Variants in USP32 observed in about 807,000 individuals in gnomAD.
The protein encoded by USP32 is ubiquitin specific peptidase 32.
USP32 carries 59 observed loss-of-function variants against 204.8 expected under a neutral mutation model. The ratio of observed to expected loss-of-function variants is 0.29; its 90% CI spans 0.23 to 0.36. The LOEUF is 0.36. USP32 is among the 10% of genes least tolerant of loss of function. The pLI, the probability that USP32 is intolerant of heterozygous loss-of-function variation, is 1.00. For missense variants in USP32, 1,160 were observed against 1,946.4 expected (o/e 0.60, Z 7.60); for synonymous variants, 517 against 678.4 (o/e 0.76, Z 3.70).
intron 1 of USP32, among the ~76,000 whole-genome samples, chr17:60,391,297 G>T (rs1167308272): frequency 6.6e-6 from 1 of 152,134 alleles, no homozygotes; most frequent in Non-Finnish European, 1.5e-5. Context: ...ATTTCAGATC[G>T]TTCTTATCAA....
intron 1 of USP32, among the ~76,000 whole-genome samples, chr17:60,365,208 C>A (rs1021127813): frequency 6.6e-6 from 1 of 151,904 alleles, no homozygotes; most frequent in Admixed American, 6.6e-5. Flanking sequence ...TAGCCGGGTG[C>A]GGTGGCTCAT....
At chr17:60,415,956 C>T (rs1376391125) in intron 1 of USP32, among the ~76,000 whole-genome samples, 1 of 152,130 alleles carries the variant, frequency 6.6e-6, no homozygotes. Context: ...TCTCCTGCCT[C>T]AGCCTCCTGA....
chr17:60,221,009 G>C (rs2085232726), intron 15 of USP32, among the ~76,000 whole-genome samples: 1 of 152,002 alleles, frequency 6.6e-6, no homozygotes, highest in Admixed American at 6.5e-5. Flanking sequence ...AGGTGACCAG[G>C]CTTTATTTTC....
intron 4 of USP32, among the ~76,000 whole-genome samples, chr17:60,293,220 T>G (rs2087330497): frequency 6.6e-6 from 1 of 152,194 alleles, no homozygotes; most frequent in Admixed American, 6.5e-5. Flanking sequence ...TGTGTTTAAG[T>G]TTTTAGAGTA....
chr17:60,318,748 A>T (rs2088043653), intron 2 of USP32, among the ~76,000 whole-genome samples: 1 of 152,238 alleles, frequency 6.6e-6, no homozygotes. Context: ...ATGATATCCT[A>T]CATCATTTTC....
intron 1 of USP32, among the ~76,000 whole-genome samples, chr17:60,416,123 C>T (rs2090060221): frequency 6.6e-6 from 1 of 152,054 alleles, no homozygotes; most frequent in South Asian, 2.1e-4. Flanking sequence ...CAGGTGTGAC[C>T]CACTGCGCCT....
Position 60,333,734 on chromosome 17 carries a change from A to T in USP32, c.186+11747T>A, listed in dbSNP as rs547244386. Among the ~76,000 whole-genome samples the T allele has an allele frequency of 5.9e-5, 9 of 152,230 alleles. No individual in the cohort carries two copies. The South Asian group carries it at 1.9e-3, about 32-fold the overall frequency. On this transcript the variant is annotated intron_variant, in intron 2 of 33. Transcript: ENST00000300896. ...AGGGGGAAGAAGAGGAGAGGGAAGTAAAAGGAAAGGAAAGAAAATCGTAAA... is the reference window on the plus strand; with the variant it reads ...AGGGGGAAGAAGAGGAGAGGGAAGTTAAAGGAAAGGAAAGAAAATCGTAAA...
chr17:60,238,373 A>G (rs1032217698), intron 11 of USP32, among the ~76,000 whole-genome samples: 2 of 152,066 alleles, frequency 1.3e-5, no homozygotes, highest in Non-Finnish European at 2.9e-5. Flanking sequence ...TGATGTATAA[A>G]AGTTTTAAGT....
chr17:60,344,025 C>T lies in USP32; in HGVS notation c.186+1456G>A, dbSNP rs534412815. On this transcript the variant is annotated intron_variant, in intron 2 of 33. Transcript: ENST00000300896. ...CTCCAGCCTGGGCAACAAGAGCAAA[C>T]CTCTGTCTCAAAGAAAAAAAGAAAA... 4.0e-5 allele frequency among the ~76,000 whole-genome samples: 6 copies of T among 151,820 alleles called. No homozygotes were observed. The East Asian group carries it at 9.7e-4, about 24-fold the overall frequency.
chr17:60,284,516 A>G (rs550113964), intron 5 of USP32, among the ~76,000 whole-genome samples: 2 of 152,148 alleles, frequency 1.3e-5, no homozygotes, highest in African/African-American at 2.4e-5. Context: ...CACCACGCCC[A>G]GCCTAATTCA....
In USP32 at chr17:60,226,051, T is replaced by C; in HGVS notation, c.1420A>G (p.Thr474Ala). ...NISTASEASE[T>A]AGSGFLYSAT... ...AGGTCATATTTACCGCTGCCAGCAG[T>C]TTCTGAGGCTTCAGATGCAGTAGAA... Residue 474 changes from threonine (T) to alanine (A), a missense_variant, in exon 13 of 34, where the codon ACT (threonine) becomes GCT (alanine). Around this residue, in one of 8 missense-constraint regions of USP32, gnomAD observed 536 missense variants for 680.9 expected, o/e 0.79. Coordinates refer to ENST00000300896, the MANE Select transcript of USP32 (RefSeq NM_032582.4). 1 of 1,603,704 alleles carries C rather than the reference T, an allele frequency of 6.2e-7. No individual in the cohort carries two copies. The highest frequency in any genetic ancestry group is 8.5e-7 in the Non-Finnish European group (1 of 1,176,310).
chr17:60,297,447 CT>C (rs76483542), intron 3 of USP32, among the ~76,000 whole-genome samples: 22,081 of 143,984 alleles, frequency 0.15, 3,540 homozygotes, highest in African/African-American at 0.42. Context: ...TTTTCCTTTT[CT>C]TTTTTTTTTT....
At chr17:60,301,917 C>G (rs147853035) in intron 2 of USP32, among the ~76,000 whole-genome samples, 1,526 of 152,200 alleles carry the variant, frequency 0.01, 10 homozygotes, top group Non-Finnish European at 0.014. Context: ...AAAATACGTA[C>G]AGATGGTCCT....
intron 1 of USP32, among the ~76,000 whole-genome samples, chr17:60,357,282 C>A (rs1479266489): frequency 6.6e-6 from 1 of 152,044 alleles, no homozygotes; most frequent in African/African-American, 2.4e-5. Flanking sequence ...GAGACCCCAT[C>A]TCTACAAAAA....
chr17:60,324,339 C>T lies in USP32; in HGVS notation c.186+21142G>A, dbSNP rs533464815. ...AACTATTTTTAAAACTAACCAGATT[C>T]TAGAAAAAAGTGAAAACACATTTTC... On this transcript the variant is annotated intron_variant, in intron 2 of 33. Transcript: ENST00000300896. Among the ~76,000 whole-genome samples, 8 of 151,226 alleles carry T rather than the reference C, an allele frequency of 5.3e-5. No individual in the cohort carries two copies. The East Asian group carries it at 1.5e-3, about 29-fold the overall frequency.
intron 1 of USP32, among the ~76,000 whole-genome samples, chr17:60,418,896 A>T (rs2090083498): frequency 6.6e-6 from 1 of 152,200 alleles, no homozygotes; most frequent in Non-Finnish European, 1.5e-5. Context: ...AGAAAAAGAA[A>T]CACTTCTACA....
At chr17:60,391,834 C>A (rs781112291) in intron 1 of USP32, 48 bp downstream of exon 1, 44 of 1,586,998 alleles carry the variant, frequency 2.8e-5, no homozygotes, top group Non-Finnish European at 3.7e-5. Context: ...CTCCAGGCTG[C>A]CCGTCGCGGG....
intron 11 of USP32, chr17:60,245,534 G>A (rs2085996400): frequency 1.6e-5 from 5 of 312,930 alleles, no homozygotes; most frequent in Non-Finnish European, 3.1e-5. Flanking sequence ...CAATACCTCT[G>A]GGTTTCTGTC....
At chr17:60,324,301 T>TAC (rs1370706625) in intron 2 of USP32, among the ~76,000 whole-genome samples, 1 of 150,416 alleles carries the variant, frequency 6.6e-6, no homozygotes, top group African/African-American at 2.4e-5. Flanking sequence ...TATATATATA[T>TAC]ATTTTAATTA....
Sources: gnomAD v4.1 joint callset for allele counts (sites outside exome capture counted in the v4.1 genomes callset) on GRCh38, gnomAD v4.1.1 for gene constraint, gnomAD v4.1.1 regional missense constraint, MANE v1.5 for transcripts, NCBI Gene and HGNC (gene_info 2026-07-23, HGNC 2026-07-21) for gene names.